Variants in CCK observed in about 807,000 individuals in gnomAD.
CCK encodes the protein cholecystokinin, also known as cholecystokinin triacontatriapeptide.
In CCK, 11 loss-of-function variants were observed where a neutral mutation model predicts 10.1. The ratio of observed to expected loss-of-function variants is 1.09; its 90% CI spans 0.69 to 1.81. The LOEUF is 1.81. Ranked by LOEUF, CCK falls within the 40% of genes most tolerant of loss-of-function variation. CCK has a pLI of 0.00. For missense variants in CCK, 137 were observed against 159.9 expected (o/e 0.86, Z 0.77); for synonymous variants, 83 against 71.9 (o/e 1.15, Z -0.78).
In CCK at chr3:42,257,907, C is replaced by T. The variant is rs8192473; in HGVS notation, c.*191G>A. Reference sequence around the variant, plus strand: ...AAGAAAACATTTTGTCTTCCATTTGCACAATTCTGGTGAGGTGTGTGGTTG... The same window carrying T: ...AAGAAAACATTTTGTCTTCCATTTGTACAATTCTGGTGAGGTGTGTGGTTG... On this transcript the variant is annotated 3_prime_UTR_variant, in exon 5 of 5. Coordinates refer to ENST00000396169, the MANE Select transcript of CCK (RefSeq NM_000729.6). 9,239 of 542,052 alleles carry T rather than the reference C, an allele frequency of 0.017. 328 individuals are homozygous for T. Among genetic ancestry groups the T allele is most frequent in the East Asian group, 0.1 (3,331 of 32,136 alleles). The allele number at this position is 542,052 out of a possible 1,614,324, so 33.6% of individuals were successfully genotyped here. A position where few individuals can be genotyped will look rare whatever the true frequency, so the allele number is the denominator to read the frequency against.
intron 4 of CCK, among the ~76,000 whole-genome samples, chr3:42,260,724 T>C (rs972714836): frequency 1.3e-5 from 2 of 152,244 alleles, no homozygotes; most frequent in African/African-American, 2.4e-5. Context: ...TGTCTGCATG[T>C]CACTCAGCTA....
rs11298401 is a variant in CCK at position 42,262,217 on chromosome 3, C to CTTTTT, written c.214+1195_214+1199dup. ...CCCTTCCAGCAGTGTTTGCTAAGTT[C>CTTTTT]TTTTTTTTTTTTTTTTTTTTTTTAG... On this transcript the variant is annotated intron_variant, in intron 4 of 4. Coordinates refer to ENST00000396169, the MANE Select transcript of CCK (RefSeq NM_000729.6). 1.5e-3 allele frequency among the ~76,000 whole-genome samples: 151 copies of CTTTTT among 101,234 alleles called. 4 individuals are homozygous for CTTTTT. Among genetic ancestry groups the CTTTTT allele is most frequent in the Non-Finnish European group, 2.3e-3 (120 of 52,880 alleles). 66.4% of individuals were successfully genotyped at this position (101,234 alleles called of 152,430 possible). A position where few individuals can be genotyped will look rare whatever the true frequency, so the allele number is the denominator to read the frequency against.
Position 42,258,080 on chromosome 3 carries a change from T to C in CCK, c.*18A>G, listed in dbSNP as rs1248126413. The C allele has an allele frequency of 5.6e-6, 9 of 1,603,664 alleles. No homozygotes were observed. The highest frequency in any genetic ancestry group is 7.7e-6 in the Non-Finnish European group (9 of 1,176,258). On this transcript the variant is annotated 3_prime_UTR_variant, in exon 5 of 5. Coordinates refer to ENST00000396169, the MANE Select transcript of CCK (RefSeq NM_000729.6). ...GTTGGGAGGTTGCTTCCCGTTGGGC[T>C]GATGGCGGCTGGGTCCTCTAGGAGG...
At chr3:42,263,191 C>A in intron 4 of CCK, 1 of 660,676 alleles carries the variant, frequency 1.5e-6, no homozygotes, top group Non-Finnish European at 2.7e-6. Context: ...ATCAGCAACA[C>A]TGCTAAAAAT....
At position 42,259,565 on chromosome 3, in the gene CCK, G is replaced by A. The variant is rs932849871; in HGVS notation, c.215-1334C>T. Among the ~76,000 whole-genome samples the A allele has an allele frequency of 2.6e-5, 4 of 152,122 alleles. No individual in the cohort carries two copies. The East Asian group carries it at 5.8e-4, about 22-fold the overall frequency. Reference sequence around the variant, plus strand: ...GCACCTCAGTAAGACTCAAAGAAGGGGGGGAGAGAGGTGATAACAAAGGTG... The same window carrying A: ...GCACCTCAGTAAGACTCAAAGAAGGAGGGGAGAGAGGTGATAACAAAGGTG... On this transcript the variant is annotated intron_variant, in intron 4 of 4. Transcript: ENST00000396169.
chr3:42,259,483 A>C (rs1212384574), intron 4 of CCK, among the ~76,000 whole-genome samples: 3 of 152,228 alleles, frequency 2.0e-5, no homozygotes, highest in Non-Finnish European at 4.4e-5. Flanking sequence ...ATTTTTAATG[A>C]TAAATCAATA....
intron 4 of CCK, among the ~76,000 whole-genome samples, chr3:42,262,476 C>T (rs892343620): frequency 2.0e-5 from 3 of 152,008 alleles, no homozygotes; most frequent in Non-Finnish European, 4.4e-5. Context: ...TGCCTCAGCC[C>T]CCCAAAGTGC....
At position 42,264,777 on chromosome 3, in the gene CCK, G is replaced by C. The variant is rs1356289926; in HGVS notation, c.-83C>G. ...TGAGCCAAGTTCAGGGAGGACCAGC[G>C]GGCGGCTGTCTCTTAAATAGCCCCA... On this transcript the variant is annotated 5_prime_UTR_variant, in exon 3 of 5. Coordinates refer to ENST00000396169, the MANE Select transcript of CCK (RefSeq NM_000729.6). The C allele has an allele frequency of 2.6e-5, 4 of 152,306 alleles. No individual in the cohort carries two copies. Among genetic ancestry groups the C allele is most frequent in the Admixed American group, 1.3e-4 (2 of 15,284 alleles). 9.4% of individuals were successfully genotyped at this position (152,306 alleles called of 1,614,324 possible).
At chr3:42,263,995 GT>G in intron 3 of CCK, 1 of 214,366 alleles carries the variant, frequency 4.7e-6, no homozygotes, top group Middle Eastern at 1.6e-3. Flanking sequence ...TAAAAATAGT[GT>G]GAAAAAAATA....
At chr3:42,261,987 A>G (rs999243589) in intron 4 of CCK, among the ~76,000 whole-genome samples, 1 of 152,264 alleles carries the variant, frequency 6.6e-6, no homozygotes, top group East Asian at 1.9e-4. Context: ...AAATACAACA[A>G]ATCACTGATT....
intron 4 of CCK, among the ~76,000 whole-genome samples, chr3:42,261,739 G>A (rs1232967000): frequency 2.0e-5 from 3 of 152,034 alleles, no homozygotes; most frequent in Admixed American, 1.3e-4. Context: ...AATTGGAGGA[G>A]GGGAGTCCAG....
Position 42,263,635 on chromosome 3 carries a change from G to A in CCK, c.-2-3C>T, listed in dbSNP as rs1438676276. The A allele has an allele frequency of 1.9e-6, 3 of 1,567,996 alleles. No homozygotes were observed. Among genetic ancestry groups the A allele is most frequent in the Admixed American group, 1.9e-5 (1 of 52,954 alleles). On this transcript the variant is annotated splice_region_variant and splice_polypyrimidine_tract_variant and intron_variant, in intron 3 of 4. Coordinates refer to ENST00000396169, the MANE Select transcript of CCK (RefSeq NM_000729.6). ...CAGGCACACGCCGCTGTTCATGGCT[G>A]TAGCGAGCAAAGGAGGAGGGCGCGT...
At position 42,265,960 on chromosome 3, in the gene CCK, CG is replaced by C. The variant is rs1577104619; in HGVS notation, c.-660del. The C allele has an allele frequency of 6.6e-6, 1 of 152,326 alleles. No homozygotes were observed. The highest frequency in any genetic ancestry group is 1.9e-4 in the East Asian group (1 of 5,166). 9.4% of individuals were successfully genotyped at this position (152,326 alleles called of 1,614,324 possible). ...CCATTTCACAGACCGCAAACCGAGG[CG>C]CGAGGAAGAGCAGCGCCTTGCCAAG... On this transcript the variant is annotated 5_prime_UTR_variant, in exon 1 of 5. Coordinates refer to ENST00000396169, the MANE Select transcript of CCK (RefSeq NM_000729.6).
chr3:42,265,030 T>C (rs974782462), intron 2 of CCK, 123 bp from the exon 3 acceptor site: 1 of 152,284 alleles, frequency 6.6e-6, no homozygotes, highest in Non-Finnish European at 1.5e-5. Flanking sequence ...GCCGCTCCCC[T>C]GCGCATTCCA....
intron 4 of CCK, among the ~76,000 whole-genome samples, chr3:42,260,286 A>C (rs1008391896): frequency 9.2e-5 from 14 of 152,190 alleles, no homozygotes; most frequent in African/African-American, 1.4e-4. Context: ...TGAATTCAGG[A>C]AAACCTATAG....
At chr3:42,264,169 C>T (rs1711256286) in intron 3 of CCK, among the ~76,000 whole-genome samples, 1 of 151,886 alleles carries the variant, frequency 6.6e-6, no homozygotes, top group Admixed American at 6.6e-5. Context: ...AAGTTTTTCT[C>T]AAAGTGTACG....
intron 4 of CCK, among the ~76,000 whole-genome samples, chr3:42,261,692 C>T (rs1028286176): frequency 6.6e-6 from 1 of 151,178 alleles, no homozygotes; most frequent in East Asian, 1.9e-4. Context: ...TGCAGATATC[C>T]TCAGCCTACA....
chr3:42,263,550 A>G lies in CCK; in HGVS notation c.81T>C (p.Asp27=). The G allele has an allele frequency of 6.2e-7, 1 of 1,612,100 alleles. No individual in the cohort carries two copies. The highest frequency in any genetic ancestry group is 8.5e-7 in the Non-Finnish European group (1 of 1,179,208). The change falls in exon 4 of 5, where the codon GAT becomes GAC. Residue 27 remains aspartate (D), a synonymous_variant. Coordinates refer to ENST00000396169, the MANE Select transcript of CCK (RefSeq NM_000729.6). ...CCCGCTGCAGCCCGGAGCCCGCGGG[A>G]TCTGCGGGAGGCACCGGCTGCGTCA... The part of the protein sequence containing the change: ...GALTQPVPPA[D]PAGSGLQRAE...
Position 42,258,283 on chromosome 3 carries a change from C to G in CCK, c.215-52G>C, listed in dbSNP as rs762883570. ...AGGGACATTGCATCTAAAAGCATCT[C>G]TAGTTCAATTTGGGAAGGAGAGCAA... On this transcript the variant is annotated intron_variant, in intron 4 of 4. Transcript: ENST00000396169. 6 of 1,587,818 alleles carry G rather than the reference C, an allele frequency of 3.8e-6. No homozygotes were observed. In the Admixed American group the frequency reaches 1.1e-4, roughly 29 times the overall value.
Sources: allele counts gnomAD v4.1 joint callset (sites outside exome capture counted in the v4.1 genomes callset), GRCh38; gene constraint gnomAD v4.1.1; transcripts MANE v1.5; gene names NCBI Gene and HGNC (gene_info 2026-07-23, HGNC 2026-07-21).